Variants in ASH1L observed in about 807,000 individuals in gnomAD.
The protein encoded by ASH1L is ASH1 like histone lysine methyltransferase, also known as histone-lysine N-methyltransferase ASH1L.
In ASH1L, 23 loss-of-function variants were observed where a neutral mutation model predicts 269.0. That is an observed-to-expected ratio of 0.09 (90% CI 0.06 to 0.12). ASH1L has a LOEUF of 0.12. Among genes scored for constraint, ASH1L ranks in the 10% least tolerant of loss-of-function variants. The pLI, the probability that ASH1L is intolerant of heterozygous loss-of-function variation, is 1.00. For missense variants in ASH1L, 2,912 were observed against 3,567.8 expected (o/e 0.82, Z 4.68); for synonymous variants, 1,187 against 1,253.5 (o/e 0.95, Z 1.12).
At chr1:155,511,984 G>A (rs1668189791) in intron 2 of ASH1L, among the ~76,000 whole-genome samples, 1 of 151,730 alleles carries the variant, frequency 6.6e-6, no homozygotes, top group Non-Finnish European at 1.5e-5. Flanking sequence ...CTAATTTTTT[G>A]TATTTTTAGT....
chr1:155,448,696 C>T (rs1205807340), intron 4 of ASH1L, among the ~76,000 whole-genome samples: 1 of 152,028 alleles, frequency 6.6e-6, no homozygotes, highest in African/African-American at 2.4e-5. Context: ...TGGGTTTCAC[C>T]ATGTTGGTCA....
chr1:155,481,152 T>G lies in ASH1L; in HGVS notation c.1718A>C (p.Glu573Ala), dbSNP rs767566687. 5 of 1,613,950 alleles carry G rather than the reference T, an allele frequency of 3.1e-6. No individual in the cohort carries two copies. In the Admixed American group the frequency reaches 6.7e-5, roughly 22 times the overall value. Reference protein sequence around the residue: ...SVNPLTRSPPETSSQLAPNPL... With the variant: ...SVNPLTRSPPATSSQLAPNPL... ...ATTAGGAGCCAACTGTGAAGAAGTT[T>G]CAGGGGGACTTCTGGTTAAAGGATT... Residue 573 changes from glutamate (E) to alanine (A), a missense_variant, in exon 3 of 28, where the codon GAA (glutamate) becomes GCA (alanine). Glu to Ala is a moderately radical substitution (Grantham distance 107). This residue lies in a region of ASH1L where 715 missense variants were observed against 721.0 expected (regional missense o/e 0.99). Transcript: ENST00000392403.
intron 13 of ASH1L, among the ~76,000 whole-genome samples, chr1:155,359,883 A>G (rs1654784969): frequency 6.6e-6 from 1 of 151,066 alleles, no homozygotes; most frequent in South Asian, 2.1e-4. Flanking sequence ...CTGACCTCCC[A>G]TATACTTTTT....
In ASH1L at chr1:155,481,504, G is replaced by A. The variant is rs746820833; in HGVS notation, c.1366C>T (p.Leu456=). The part of the protein sequence containing the change: ...NQESQELSES[L]KDSATSKTFE... Reference sequence around the variant, plus strand: ...GTTTTGCTGGTGGCACTATCTTTCAGGGATTCAGAAAGTTCCTGACTTTCC... The same window carrying A: ...GTTTTGCTGGTGGCACTATCTTTCAAGGATTCAGAAAGTTCCTGACTTTCC... The change falls in exon 3 of 28, where the codon CTG becomes TTG. Residue 456 remains leucine (L), a synonymous_variant. Coordinates refer to ENST00000392403, the MANE Select transcript of ASH1L (RefSeq NM_018489.3). 3 of 1,614,050 alleles carry A rather than the reference G, an allele frequency of 1.9e-6. No homozygotes were observed. The highest frequency in any genetic ancestry group is 2.2e-5 in the East Asian group (1 of 44,890).
chr1:155,562,497 G>T lies in ASH1L; in HGVS notation c.-444C>A, dbSNP rs1174696194. On this transcript the variant is annotated 5_prime_UTR_variant, in exon 1 of 28. Transcript: ENST00000392403. ...GGCAGCTCCTCCAGAGGGAGGGAGC[G>T]AAGGGCGCCTAGCGCCCCCCTCAAC... The T allele has an allele frequency of 6.0e-6, 9 of 1,490,716 alleles. No individual in the cohort carries two copies. In the Admixed American group the frequency reaches 8.0e-5, roughly 13 times the overall value. 92.3% of individuals were successfully genotyped at this position (1,490,716 alleles called of 1,614,324 possible).
At chr1:155,389,982 T>C (rs1657783116) in intron 7 of ASH1L, among the ~76,000 whole-genome samples, 1 of 151,796 alleles carries the variant, frequency 6.6e-6, no homozygotes, top group Non-Finnish European at 1.5e-5. Flanking sequence ...TCCTGATCAT[T>C]ATGATGACTC....
intron 3 of ASH1L, among the ~76,000 whole-genome samples, chr1:155,462,059 C>T (rs1325026904): frequency 6.6e-6 from 1 of 152,150 alleles, no homozygotes; most frequent in Non-Finnish European, 1.5e-5. Flanking sequence ...CTCAGCCTCC[C>T]AAAGTGCTGG....
chr1:155,502,123 T>C (rs1479230374), intron 2 of ASH1L, among the ~76,000 whole-genome samples: 3 of 141,416 alleles, frequency 2.1e-5, no homozygotes, highest in African/African-American at 8.0e-5. Context: ...CGGGTTGGAG[T>C]GCAATGGCGC....
intron 2 of ASH1L, among the ~76,000 whole-genome samples, chr1:155,518,080 G>T (rs1382107064): frequency 2.0e-5 from 3 of 152,106 alleles, no homozygotes; most frequent in Non-Finnish European, 1.5e-5. Flanking sequence ...GATTACAGGC[G>T]TGAGCCACCA....
At chr1:155,492,500 A>G (rs577345184) in intron 2 of ASH1L, among the ~76,000 whole-genome samples, 3 of 152,238 alleles carry the variant, frequency 2.0e-5, no homozygotes, top group South Asian at 4.1e-4. Context: ...TTTATTCCAA[A>G]AGGTTTGCTC....
chr1:155,499,612 TTTCA>T (rs1387508819), intron 2 of ASH1L, among the ~76,000 whole-genome samples: 1 of 152,208 alleles, frequency 6.6e-6, no homozygotes, highest in Non-Finnish European at 1.5e-5. Flanking sequence ...CTCAAAAAGC[TTTCA>T]TTCATTTCCA....
At chr1:155,375,106 G>C (rs2148428455) in intron 10 of ASH1L, among the ~76,000 whole-genome samples, 1 of 152,178 alleles carries the variant, frequency 6.6e-6, no homozygotes, top group African/African-American at 2.4e-5. Context: ...GAGCCACTGT[G>C]CTTGGCTGGC....
chr1:155,454,298 T>C (rs943286877), intron 4 of ASH1L, among the ~76,000 whole-genome samples: 6 of 152,190 alleles, frequency 3.9e-5, no homozygotes, highest in Admixed American at 3.3e-4. Flanking sequence ...GTGAATCAAC[T>C]AGATCTAAGT....
At chr1:155,552,444 C>T (rs1170233146) in intron 1 of ASH1L, among the ~76,000 whole-genome samples, 9 of 151,930 alleles carry the variant, frequency 5.9e-5, no homozygotes, top group Admixed American at 5.9e-4. Context: ...CCAGCCTAGC[C>T]GACAAGAGTG....
At position 155,378,401 on chromosome 1, in the gene ASH1L, A is replaced by G; in HGVS notation, c.6224-12T>C. On this transcript the variant is annotated splice_polypyrimidine_tract_variant and intron_variant, in intron 9 of 27. Coordinates refer to ENST00000392403, the MANE Select transcript of ASH1L (RefSeq NM_018489.3). ...ATCAACGTAGACATCTTGAAAAGAA[A>G]GCAAAGAATAGTTTGTGAACATACA... 1 of 1,612,940 alleles carries G rather than the reference A, an allele frequency of 6.2e-7. No homozygotes were observed. Among genetic ancestry groups the G allele is most frequent in the Non-Finnish European group, 8.5e-7 (1 of 1,178,868 alleles).
At chr1:155,561,189 T>C (rs1056644251) in intron 1 of ASH1L, among the ~76,000 whole-genome samples, 2 of 152,116 alleles carry the variant, frequency 1.3e-5, no homozygotes, top group African/African-American at 2.4e-5. Flanking sequence ...ACAAAAAAAC[T>C]GAAAGAGCTT....
At chr1:155,422,303 ATTT>A (rs757564991) in intron 5 of ASH1L, among the ~76,000 whole-genome samples, 239 of 120,928 alleles carry the variant, frequency 2.0e-3, no homozygotes, top group African/African-American at 7.9e-3. Flanking sequence ...CGCCCAGCTA[ATTT>A]TTTTTTTTTT....
chr1:155,357,117 AC>A (rs1654476422), intron 15 of ASH1L, among the ~76,000 whole-genome samples, 198 bp downstream of exon 15: 1 of 110,556 alleles, frequency 9.0e-6, no homozygotes, highest in African/African-American at 3.6e-5. Context: ...ACACACACAC[AC>A]AAAAGGGTAA....
rs1665785400 is a variant in ASH1L at position 155,479,303 on chromosome 1, A to G, written c.3567T>C (p.Ser1189=). The G allele has an allele frequency of 6.2e-7, 1 of 1,613,978 alleles. No homozygotes were observed. Among genetic ancestry groups the G allele is most frequent in the Admixed American group, 1.7e-5 (1 of 59,986 alleles). Reference sequence around the variant, plus strand: ...GAATGGTCTCATCACTATGAGACTCACTGATTGGGGAAGGAGTAGCTTCTT... The same window carrying G: ...GAATGGTCTCATCACTATGAGACTCGCTGATTGGGGAAGGAGTAGCTTCTT... ...SLKEATPSPI[S]ESHSDETIPS... Residue 1189 remains serine, a synonymous_variant, in exon 3 of 28, where the codon AGT becomes AGC. Transcript: ENST00000392403.
Sources: gnomAD v4.1 joint callset for allele counts (sites outside exome capture counted in the v4.1 genomes callset) on GRCh38, gnomAD v4.1.1 for gene constraint, gnomAD v4.1.1 regional missense constraint, MANE v1.5 for transcripts, NCBI Gene and HGNC (gene_info 2026-07-23, HGNC 2026-07-21) for gene names.